The following UHRF1 variants were observed in gnomAD, a reference collection of about 807,000 sequenced individuals.
UHRF1 encodes the protein E3 ubiquitin-protein ligase UHRF1.
In UHRF1, 9 loss-of-function variants were observed where a neutral mutation model predicts 96.5. The observed-to-expected ratio is 0.09, with a 90% CI of 0.06 to 0.16. UHRF1 has a LOEUF of 0.16. Among genes scored for constraint, UHRF1 ranks in the 10% least tolerant of loss-of-function variants. UHRF1 has a pLI of 1.00. For missense variants in UHRF1, 626 were observed against 1,131.1 expected (o/e 0.55, Z 6.40); for synonymous variants, 455 against 469.9 (o/e 0.97, Z 0.41).
chr19:4,908,595 C>G (rs145050978), upstream of UHRF1, among the ~76,000 whole-genome samples: 1 of 152,136 alleles, frequency 6.6e-6, no homozygotes, highest in African/African-American at 2.4e-5. Flanking sequence ...GTCTCATCTC[C>G]GATTCCAGCT....
chr19:4,931,180 C>T (rs2033040279), intron 4 of UHRF1, among the ~76,000 whole-genome samples: 1 of 152,204 alleles, frequency 6.6e-6, no homozygotes, highest in Non-Finnish European at 1.5e-5. Context: ...CTCATCCCCA[C>T]CCCTAACGTC....
intron 9 of UHRF1, among the ~76,000 whole-genome samples, chr19:4,945,549 G>A (rs1283374530): frequency 2.6e-5 from 4 of 152,106 alleles, no homozygotes; most frequent in African/African-American, 7.2e-5. Context: ...GTGAGCCACC[G>A]TGCCTGGCCG....
chr19:4,951,451 T>C (rs145155400), intron 13 of UHRF1, among the ~76,000 whole-genome samples: 13 of 152,208 alleles, frequency 8.5e-5, no homozygotes, highest in Non-Finnish European at 1.9e-4. Flanking sequence ...CTCGGGCCCA[T>C]GCTTCCCTGG....
At position 4,938,730 on chromosome 19, in the gene UHRF1, G is replaced by GGTTTTTTTTTT. The variant is rs1568421924; in HGVS notation, c.786-2798_786-2797insGTTTTTTTTTT. On this transcript the variant is annotated intron_variant, in intron 5 of 16. Transcript: ENST00000650932. ...GGCATAAGAGTTTTGTTTTGGTCAGGTTTTTTTTTTTTTTTTTTTTTTTTT... is the reference window on the plus strand; with the variant it reads ...GGCATAAGAGTTTTGTTTTGGTCAGGGTTTTTTTTTTTTTTTTTTTTTTTTTTTTTTTTTTT... Among the ~76,000 whole-genome samples the GGTTTTTTTTTT allele has an allele frequency of 1.8e-3, 112 of 61,564 alleles. 1 individual carries two copies. The highest frequency in any genetic ancestry group is 2.5e-3 in the Non-Finnish European group (85 of 34,018). 40.4% of individuals were successfully genotyped at this position (61,564 alleles called of 152,430 possible). A position where few individuals can be genotyped will look rare whatever the true frequency, so the allele number is the denominator to read the frequency against.
intron 2 of UHRF1, among the ~76,000 whole-genome samples, chr19:4,918,669 C>T (rs1425925371): frequency 6.6e-6 from 1 of 151,544 alleles, no homozygotes; most frequent in Non-Finnish European, 1.5e-5. Flanking sequence ...CGGCCTCAGC[C>T]TCCCAAAGTG....
chr19:4,952,434 C>T (rs1484071127), intron 13 of UHRF1, among the ~76,000 whole-genome samples: 2 of 129,800 alleles, frequency 1.5e-5, no homozygotes, highest in South Asian at 2.6e-4. Flanking sequence ...CTCACTCTGT[C>T]GCCCAGGCTG....
intron 6 of UHRF1, 23 bp downstream of exon 6, chr19:4,941,651 C>T (rs751483754): frequency 1.2e-6 from 2 of 1,607,142 alleles, no homozygotes; most frequent in East Asian, 2.2e-5. Context: ...CCAGCCTTTC[C>T]CCATCTTCCG....
intron 11 of UHRF1, 122 bp from the exon 12 acceptor site, chr19:4,950,489 C>A (rs2033686812): frequency 9.4e-7 from 1 of 1,062,374 alleles, no homozygotes; most frequent in East Asian, 2.7e-5. Context: ...GGCGATCTGC[C>A]TACTTCAGCC....
Position 4,920,158 on chromosome 19 carries a change from G to T in UHRF1, c.154-9064G>T, listed in dbSNP as rs186870038. On this transcript the variant is annotated intron_variant, in intron 2 of 16. Transcript: ENST00000650932. ...AATGAAGAATAAAAAGAGGCTGGGC[G>T]CAGCGGCTCATGCTTGTAATTTCAG... is the stretch of plus-strand genomic sequence containing the variant. Among the ~76,000 whole-genome samples the T allele has an allele frequency of 4.6e-5, 7 of 152,294 alleles. 1 individual carries two copies. Among genetic ancestry groups the T allele is most frequent in the African/African-American group, 4.8e-5 (2 of 41,574 alleles).
chr19:4,947,977 G>C (rs1041739263), intron 11 of UHRF1, among the ~76,000 whole-genome samples: 1 of 151,746 alleles, frequency 6.6e-6, no homozygotes, highest in Non-Finnish European at 1.5e-5. Context: ...GTTAGCATGT[G>C]CCTATAGTCA....
rs984457060 is a variant in UHRF1, at chr19:4,954,317, C to G, written c.1819-33C>G. 6.2e-6 allele frequency: 10 copies of G among 1,605,396 alleles called. No individual in the cohort carries two copies. The highest frequency in any genetic ancestry group is 8.5e-6 in the Non-Finnish European group (10 of 1,177,054). On this transcript the variant is annotated intron_variant, in intron 13 of 16. Coordinates refer to ENST00000650932, the MANE Select transcript of UHRF1 (RefSeq NM_001048201.3). The surrounding 1 kb of genome is among the most constrained non-coding windows in gnomAD (Gnocchi z 5.9). ...CTCTGCATAGCGTGTGGGCCCCAAGCCTGACTCACGGCTGTCCCTCTTCCT... is the reference window on the plus strand; with the variant it reads ...CTCTGCATAGCGTGTGGGCCCCAAGGCTGACTCACGGCTGTCCCTCTTCCT...
At chr19:4,941,471 G>A in intron 5 of UHRF1, 57 bp from the exon 6 acceptor site, 1 of 1,403,812 alleles carries the variant, frequency 7.1e-7, no homozygotes, top group Non-Finnish European at 9.9e-7. Flanking sequence ...CAAGTGCTGT[G>A]AGTAGATTTA....
intron 5 of UHRF1, among the ~76,000 whole-genome samples, chr19:4,933,916 C>G (rs1175872192): frequency 1.3e-5 from 2 of 150,344 alleles, no homozygotes; most frequent in African/African-American, 2.5e-5. Flanking sequence ...TGGCCATTTG[C>G]AGAATCATTT....
Position 4,932,867 on chromosome 19 carries a change from C to G in UHRF1, c.696C>G (p.Pro232=), listed in dbSNP as rs778261994. ...TGCTCAACTACAACCCCGACAACCC[C>G]AAGGAGCGGGGCTTCTGGTACGACG... ...VVMLNYNPDN[P]KERGFWYDAE... The change falls in exon 5 of 17, where the codon CCC becomes CCG. Residue 232 remains proline, a synonymous_variant. Transcript: ENST00000650932. 6.2e-6 allele frequency: 10 copies of G among 1,613,790 alleles called. No homozygotes were observed. In the East Asian group the frequency reaches 1.6e-4, roughly 25 times the overall value.
chr19:4,925,186 A>C (rs982492446), intron 2 of UHRF1, among the ~76,000 whole-genome samples: 1 of 152,158 alleles, frequency 6.6e-6, no homozygotes, highest in Non-Finnish European at 1.5e-5. Flanking sequence ...GTTAAAGTAC[A>C]CAGTTGAGGT....
intron 2 of UHRF1, among the ~76,000 whole-genome samples, chr19:4,918,690 A>G (rs915199409): frequency 4.1e-5 from 6 of 147,846 alleles, no homozygotes; most frequent in Non-Finnish European, 5.9e-5. Context: ...CTGGGATTAC[A>G]GGCGTGAGCT....
chr19:4,906,065 C>T (rs564529000), upstream of UHRF1, among the ~76,000 whole-genome samples: 2 of 152,312 alleles, frequency 1.3e-5, no homozygotes, highest in East Asian at 3.9e-4. Context: ...TTGCCTTGAT[C>T]TTCTGGGCTC....
At chr19:4,913,960 C>T (rs555682526) in intron 2 of UHRF1, among the ~76,000 whole-genome samples, 106 of 151,970 alleles carry the variant, frequency 7.0e-4, no homozygotes, top group Non-Finnish European at 1.4e-3. Flanking sequence ...TACAGGTGTG[C>T]GCCACCATGC....
At chr19:4,911,392 C>G (rs1324011659) in intron 2 of UHRF1, among the ~76,000 whole-genome samples, 1 of 152,228 alleles carries the variant, frequency 6.6e-6, no homozygotes, top group African/African-American at 2.4e-5. Context: ...CCAGGACCAT[C>G]TGGTAGCTAG....
Sources: allele counts gnomAD v4.1 joint callset (sites outside exome capture counted in the v4.1 genomes callset), GRCh38; gene constraint gnomAD v4.1.1; non-coding constraint Gnocchi (gnomAD v3.1); transcripts MANE v1.5; gene names NCBI Gene and HGNC (gene_info 2026-07-23, HGNC 2026-07-21).